Variants in SHISA9 observed in about 807,000 individuals in gnomAD.
SHISA9 encodes the protein shisa family member 9.
Under a neutral mutation model 38.0 loss-of-function variants are expected in SHISA9, and 13 were observed. The observed-to-expected ratio is 0.34, with a 90% CI of 0.22 to 0.54. The LOEUF (loss-of-function observed/expected upper bound fraction) is 0.54, where lower values mean the gene tolerates loss of function less well. Ranked by LOEUF, SHISA9 falls within the 20% of genes least tolerant of loss-of-function variation. The pLI, the probability that SHISA9 is intolerant of heterozygous loss-of-function variation, is 0.91. For missense variants in SHISA9, 538 were observed against 575.8 expected (o/e 0.93, Z 0.67); for synonymous variants, 275 against 242.0 (o/e 1.14, Z -1.27).
the SHISA9 span, among the ~76,000 whole-genome samples, chr16:13,393,518 TG>T: frequency 5.3e-5 from 8 of 152,228 alleles, no homozygotes; most frequent in Non-Finnish European, 1.0e-4. Context: ...CTATTGTTTC[TG>T]TTATTTGTAG....
At chr16:13,180,283 C>T (rs1257276217) in intron 2 of SHISA9, among the ~76,000 whole-genome samples, 5 of 152,248 alleles carry the variant, frequency 3.3e-5, no homozygotes, top group African/African-American at 9.6e-5. Flanking sequence ...GAGATATTTG[C>T]TGTGTTGACT....
chr16:13,526,039 T>C, the SHISA9 span, among the ~76,000 whole-genome samples: 3 of 152,246 alleles, frequency 2.0e-5, no homozygotes, highest in Admixed American at 6.5e-5. Context: ...CCACTGAACC[T>C]GTTATCCTAT....
At chr16:13,036,758 A>AAG (rs1326000622) in intron 2 of SHISA9, among the ~76,000 whole-genome samples, 1 of 151,080 alleles carries the variant, frequency 6.6e-6, no homozygotes, top group Non-Finnish European at 1.5e-5. Context: ...GAAAAAAAAA[A>AAG]AGCTCCCACA....
At position 13,235,702 on chromosome 16, in the gene SHISA9, C is replaced by T; in HGVS notation, c.*293C>T. 2.6e-6 allele frequency: 1 copy of T among 381,646 alleles called. No homozygotes were observed. The highest frequency in any genetic ancestry group is 4.7e-6 in the Non-Finnish European group (1 of 214,002). The allele number at this position is 381,646 out of a possible 1,614,324, so 23.6% of individuals were successfully genotyped here. A position where few individuals can be genotyped will look rare whatever the true frequency, so the allele number is the denominator to read the frequency against. ...GCCCAAGATGGCCAACTCACATGCC[C>T]AAACCGTGGGGCTGAGTTTTCTTTT... On this transcript the variant is annotated 3_prime_UTR_variant, in exon 5 of 5. Coordinates refer to ENST00000558583, the MANE Select transcript of SHISA9 (RefSeq NM_001145204.3).
intron 2 of SHISA9, among the ~76,000 whole-genome samples, chr16:13,065,988 G>A (rs1248367752): frequency 1.3e-5 from 2 of 152,200 alleles, no homozygotes; most frequent in Non-Finnish European, 2.9e-5. Context: ...TGAAAGGCTA[G>A]GGTTCAAACC....
the SHISA9 span, among the ~76,000 whole-genome samples, chr16:13,392,918 C>T: frequency 6.6e-6 from 1 of 152,204 alleles, no homozygotes; most frequent in Non-Finnish European, 1.5e-5. Context: ...TTTGTTGACA[C>T]CTTGATTTTG....
the SHISA9 span, among the ~76,000 whole-genome samples, chr16:13,431,386 T>C: frequency 6.3e-3 from 956 of 152,364 alleles, 9 homozygotes; most frequent in African/African-American, 0.022. Context: ...TCATTACCTA[T>C]AAACTTCCAG....
At chr16:12,993,308 G>C (rs1343250646) in intron 2 of SHISA9, among the ~76,000 whole-genome samples, 2 of 152,278 alleles carry the variant, frequency 1.3e-5, no homozygotes, top group East Asian at 3.9e-4. Flanking sequence ...AATTACCTTT[G>C]AGTTTCCTCT....
chr16:13,278,579 A>G, the SHISA9 span, among the ~76,000 whole-genome samples: 2 of 151,974 alleles, frequency 1.3e-5, no homozygotes, highest in African/African-American at 4.8e-5. Context: ...TTAAATTACC[A>G]TTTCAATCTC....
intron 2 of SHISA9, among the ~76,000 whole-genome samples, chr16:13,032,584 G>A (rs950461936): frequency 6.6e-6 from 1 of 152,184 alleles, no homozygotes; most frequent in African/African-American, 2.4e-5. Flanking sequence ...TTAGAAATGT[G>A]TATGTTGTAC....
the SHISA9 span, among the ~76,000 whole-genome samples, chr16:13,301,870 C>G: frequency 7.3e-3 from 1,118 of 152,282 alleles, 5 homozygotes; most frequent in Non-Finnish European, 0.01. Context: ...CAATGTCAAA[C>G]GAGGCTAATG....
chr16:12,968,374 G>A (rs1014914650), intron 2 of SHISA9, among the ~76,000 whole-genome samples: 10 of 151,998 alleles, frequency 6.6e-5, no homozygotes, highest in African/African-American at 2.4e-4. Flanking sequence ...ATTATAAGGT[G>A]GGTGAATAAA....
chr16:12,916,723 G>A lies in SHISA9; in HGVS notation c.599G>A (p.Cys200Tyr). Residue 200 changes from cysteine to tyrosine, a missense_variant, in exon 2 of 5, where the codon TGC becomes TAC. Around this residue, in one of 4 missense-constraint regions of SHISA9, gnomAD observed 326 missense variants for 305.9 expected, o/e 1.07. Transcript: ENST00000558583. Reference protein sequence around the residue: ...LADVMRPQGHCNTDHMERDLN... With the variant: ...LADVMRPQGHYNTDHMERDLN... ...GATGTCATGAGACCACAGGGCCACTGCAACACTGATCACATGGAGAGAGAC... is the reference window on the plus strand; with the variant it reads ...GATGTCATGAGACCACAGGGCCACTACAACACTGATCACATGGAGAGAGAC... The A allele has an allele frequency of 6.4e-7, 1 of 1,552,088 alleles. No homozygotes were observed. Among genetic ancestry groups the A allele is most frequent in the Non-Finnish European group, 8.7e-7 (1 of 1,147,066 alleles).
the SHISA9 span, among the ~76,000 whole-genome samples, chr16:13,286,906 A>AT: frequency 6.6e-6 from 1 of 152,074 alleles, no homozygotes; most frequent in Non-Finnish European, 1.5e-5. Context: ...TTTAATTCTT[A>AT]TTTTTTTATT....
chr16:13,069,260 C>T (rs1416259898), intron 2 of SHISA9, among the ~76,000 whole-genome samples: 1 of 151,944 alleles, frequency 6.6e-6, no homozygotes, highest in African/African-American at 2.4e-5. Flanking sequence ...TATGTGTGTA[C>T]ATGCAATGTG....
At chr16:13,447,732 C>T in the SHISA9 span, among the ~76,000 whole-genome samples, 18 of 152,328 alleles carry the variant, frequency 1.2e-4, no homozygotes, top group South Asian at 1.9e-3. Context: ...ACCATCAACT[C>T]GCCAGCTGCA....
At chr16:13,141,627 G>A (rs2050402692) in intron 2 of SHISA9, among the ~76,000 whole-genome samples, 1 of 151,944 alleles carries the variant, frequency 6.6e-6, no homozygotes, top group African/African-American at 2.4e-5. Flanking sequence ...AGGTTGCAGT[G>A]AACTGAGATC....
At chr16:12,970,141 A>G (rs2072035932) in intron 2 of SHISA9, among the ~76,000 whole-genome samples, 1 of 150,236 alleles carries the variant, frequency 6.7e-6, no homozygotes, top group Admixed American at 6.7e-5. Flanking sequence ...TAGTAAAAAG[A>G]ATAATAGATA....
chr16:13,217,762 G>T (rs541612806), intron 4 of SHISA9, among the ~76,000 whole-genome samples: 1 of 152,186 alleles, frequency 6.6e-6, no homozygotes, highest in African/African-American at 2.4e-5. Context: ...GGGCGTGGTG[G>T]CTCATGCCTG....
Sources: allele counts gnomAD v4.1 joint callset (sites outside exome capture counted in the v4.1 genomes callset), GRCh38; gene constraint gnomAD v4.1.1; regional missense constraint gnomAD v4.1.1; transcripts MANE v1.5; gene names NCBI Gene and HGNC (gene_info 2026-07-23, HGNC 2026-07-21).